Variants in CCDC141 observed in about 807,000 individuals in gnomAD.
CCDC141 encodes coiled-coil domain-containing protein 141.
In CCDC141, 168 loss-of-function variants were observed where a neutral mutation model predicts 181.0. The ratio of observed to expected loss-of-function variants is 0.93; its 90% CI spans 0.82 to 1.05. The LOEUF (loss-of-function observed/expected upper bound fraction) is 1.05, where lower values mean the gene tolerates loss of function less well. Ranked by LOEUF, CCDC141 falls within the 50% of genes least tolerant of loss-of-function variation. CCDC141 has a pLI of 0.00. For missense variants in CCDC141, 1,902 were observed against 1,788.5 expected (o/e 1.06, Z -1.14); for synonymous variants, 666 against 642.3 (o/e 1.04, Z -0.56).
chr2:178,997,288 A>T (rs942701509), intron 2 of CCDC141, among the ~76,000 whole-genome samples: 1 of 152,080 alleles, frequency 6.6e-6, no homozygotes, highest in African/African-American at 2.4e-5. Flanking sequence ...TCCCTTCTGA[A>T]TCTGGTGATT....
intron 2 of CCDC141, among the ~76,000 whole-genome samples, chr2:179,024,984 G>A (rs1460977795): frequency 6.6e-6 from 1 of 151,940 alleles, no homozygotes; most frequent in Non-Finnish European, 1.5e-5. Context: ...TGAGTCCTGT[G>A]GTTTATTTTT....
chr2:178,817,880 G>A, the CCDC141 span, among the ~76,000 whole-genome samples: 1 of 125,424 alleles, frequency 8.0e-6, no homozygotes, highest in Non-Finnish European at 1.6e-5. Flanking sequence ...TCCACTCACT[G>A]CAACCTGTTC....
intron 2 of CCDC141, among the ~76,000 whole-genome samples, chr2:178,989,726 C>A (rs1691951459): frequency 6.9e-6 from 1 of 145,916 alleles, no homozygotes; most frequent in African/African-American, 2.6e-5. Context: ...ATATAAATGG[C>A]AAACAAGTGC....
chr2:179,015,498 C>CAT (rs1390880313), intron 2 of CCDC141, among the ~76,000 whole-genome samples: 2 of 132,758 alleles, frequency 1.5e-5, no homozygotes, highest in Non-Finnish European at 3.2e-5. Flanking sequence ...ATATATGTGC[C>CAT]ATATATATCA....
intron 8 of CCDC141, among the ~76,000 whole-genome samples, chr2:178,904,580 AT>A (rs1412772273): frequency 6.6e-6 from 1 of 151,212 alleles, no homozygotes; most frequent in Non-Finnish European, 1.5e-5. Flanking sequence ...TAACCCATTT[AT>A]AATTTTTTTG....
In CCDC141 at chr2:178,934,832, A is replaced by C. The variant is rs113242600; in HGVS notation, c.897+9703T>G. Among the ~76,000 whole-genome samples, 15 of 152,312 alleles carry C rather than the reference A, an allele frequency of 9.8e-5. 2 individuals are homozygous for C. Among genetic ancestry groups the C allele is most frequent in the African/African-American group, 3.4e-4 (14 of 41,578 alleles). On this transcript the variant is annotated intron_variant, in intron 6 of 23. Transcript: ENST00000443758. ...TTACCACATTATTTATAGGAGCTTCACTAATGAATCCTCAGCTTGATGCCT... is the reference window on the plus strand; with the variant it reads ...TTACCACATTATTTATAGGAGCTTCCCTAATGAATCCTCAGCTTGATGCCT...
intron 5 of CCDC141, among the ~76,000 whole-genome samples, chr2:178,944,975 A>G (rs1689669725): frequency 6.6e-6 from 1 of 152,186 alleles, no homozygotes. Flanking sequence ...ATTCATTTAA[A>G]ATATATCTTC....
chr2:178,868,289 G>A (rs759130491), intron 15 of CCDC141, 84 bp from the exon 16 acceptor site: 17 of 1,185,526 alleles, frequency 1.4e-5, no homozygotes, highest in Middle Eastern at 4.9e-4. Flanking sequence ...AGCACATTTT[G>A]CTAGCTGGTC....
chr2:178,977,089 G>C (rs1188933449), intron 3 of CCDC141, among the ~76,000 whole-genome samples: 2 of 152,114 alleles, frequency 1.3e-5, no homozygotes, highest in African/African-American at 2.4e-5. Context: ...TTAGTATGAA[G>C]TGATCCACAA....
intron 11 of CCDC141, among the ~76,000 whole-genome samples, chr2:178,881,085 C>T (rs1398043232): frequency 1.3e-5 from 2 of 152,014 alleles, no homozygotes; most frequent in Non-Finnish European, 2.9e-5. Context: ...AGAGAGGGCA[C>T]AGGCAAGAAT....
At chr2:178,914,491 A>G (rs1301414077) in intron 7 of CCDC141, among the ~76,000 whole-genome samples, 1 of 152,140 alleles carries the variant, frequency 6.6e-6, no homozygotes, top group African/African-American at 2.4e-5. Context: ...ATCTCAAGCC[A>G]CAGGCTGCCA....
At chr2:178,929,758 T>A (rs927381801) in intron 6 of CCDC141, among the ~76,000 whole-genome samples, 11 of 152,142 alleles carry the variant, frequency 7.2e-5, no homozygotes, top group African/African-American at 2.7e-4. Context: ...ACACTCTCTT[T>A]CATTGTGCAA....
At chr2:178,881,919 A>T (rs6744792) in intron 11 of CCDC141, among the ~76,000 whole-genome samples, 30,261 of 91,412 alleles carry the variant, frequency 0.33, 3,877 homozygotes, top group East Asian at 0.61. Context: ...TCTCTCTCAC[A>T]CACACACACA....
chr2:179,029,151 G>T (rs565274006), intron 2 of CCDC141, among the ~76,000 whole-genome samples: 1 of 152,258 alleles, frequency 6.6e-6, no homozygotes, highest in Non-Finnish European at 1.5e-5. Flanking sequence ...ATGCCAGTCT[G>T]ATTCCTAATC....
intron 2 of CCDC141, among the ~76,000 whole-genome samples, chr2:179,018,203 T>A (rs2042596466): frequency 6.6e-6 from 1 of 152,046 alleles, no homozygotes; most frequent in Admixed American, 6.6e-5. Context: ...CAAAAAAGGA[T>A]TATGGACTTT....
chr2:178,871,289 G>T, intron 14 of CCDC141, 138 bp downstream of exon 14: 1 of 1,019,160 alleles, frequency 9.8e-7, no homozygotes, highest in Non-Finnish European at 1.4e-6. Context: ...TGTCTCTACA[G>T]TGGATTTTTA....
chr2:178,916,077 G>T (rs557402812), intron 7 of CCDC141, among the ~76,000 whole-genome samples: 32 of 152,138 alleles, frequency 2.1e-4, no homozygotes, highest in Non-Finnish European at 4.0e-4. Flanking sequence ...ATGTTAGCTT[G>T]AATGTAGGGT....
chr2:178,897,865 G>A (rs1251663776), intron 8 of CCDC141, among the ~76,000 whole-genome samples: 2 of 152,134 alleles, frequency 1.3e-5, no homozygotes, highest in Non-Finnish European at 2.9e-5. Context: ...CCTGGACCCA[G>A]CATTTCCAAT....
At chr2:178,857,735 G>A (rs996412038) in intron 17 of CCDC141, among the ~76,000 whole-genome samples, 8 of 152,146 alleles carry the variant, frequency 5.3e-5, no homozygotes, top group South Asian at 2.1e-4. Context: ...CAATGTCATG[G>A]TTGATAAATT....
Sources: allele counts gnomAD v4.1 joint callset (sites outside exome capture counted in the v4.1 genomes callset), GRCh38; gene constraint gnomAD v4.1.1; transcripts MANE v1.5; gene names NCBI Gene and HGNC (gene_info 2026-07-23, HGNC 2026-07-21).